The following SEMA5B variants were observed in gnomAD, a reference collection of about 807,000 sequenced individuals.
SEMA5B encodes the protein semaphorin-5B.
Under a neutral mutation model 135.0 loss-of-function variants are expected in SEMA5B, and 66 were observed. That is an observed-to-expected ratio of 0.49 (90% confidence interval 0.40 to 0.60). The LOEUF (loss-of-function observed/expected upper bound fraction) is 0.60, where lower values mean the gene tolerates loss of function less well. SEMA5B is among the 20% of genes least tolerant of loss of function. The pLI is 0.00. For missense variants in SEMA5B, 1,501 were observed against 1,566.3 expected, an observed-to-expected ratio of 0.96 and a Z score of 0.70; for synonymous variants, 690 against 639.5, an observed-to-expected ratio of 1.08 and a Z score of -1.19.
chr3:122,991,477 C>T (rs1396151139), intron 1 of SEMA5B, among the ~76,000 whole-genome samples: 1 of 151,752 alleles, frequency 6.6e-6, no homozygotes, highest in African/African-American at 2.4e-5. Context: ...GTGCTACTGG[C>T]ATCACACAGG....
intron 1 of SEMA5B, among the ~76,000 whole-genome samples, chr3:122,985,806 C>T (rs150542285): frequency 9.2e-5 from 14 of 152,284 alleles, no homozygotes; most frequent in Non-Finnish European, 1.3e-4. Flanking sequence ...CTGCCCCTTC[C>T]GTCTTCTACT....
intron 1 of SEMA5B, among the ~76,000 whole-genome samples, chr3:122,963,744 G>T (rs1940694626): frequency 6.6e-6 from 1 of 152,122 alleles, no homozygotes; most frequent in African/African-American, 2.4e-5. Flanking sequence ...TATCACTTGG[G>T]CATTAAAACA....
chr3:123,007,134 C>T (rs1373024704), intron 1 of SEMA5B, among the ~76,000 whole-genome samples: 1 of 152,158 alleles, frequency 6.6e-6, no homozygotes, highest in Non-Finnish European at 1.5e-5. Flanking sequence ...GGGGACATCC[C>T]CTGACCTCCC....
At chr3:122,974,128 A>G (rs1331472819) in intron 1 of SEMA5B, among the ~76,000 whole-genome samples, 1 of 152,232 alleles carries the variant, frequency 6.6e-6, no homozygotes, top group Non-Finnish European at 1.5e-5. Context: ...CATGTGACAC[A>G]TGCTTGCAGG....
At chr3:123,027,434 G>A (rs920163112) in intron 1 of SEMA5B, 30 bp downstream of exon 1, 4 of 152,326 alleles carry the variant, frequency 2.6e-5, no homozygotes, top group African/African-American at 9.6e-5. Flanking sequence ...AACCCGCGCA[G>A]GGGAAGCGCC....
intron 12 of SEMA5B, among the ~76,000 whole-genome samples, chr3:122,920,926 T>A (rs570704089): frequency 1.3e-5 from 2 of 152,358 alleles, no homozygotes; most frequent in East Asian, 3.9e-4. Flanking sequence ...TCTTAGTAAG[T>A]GTGTGGTGTC....
chr3:122,935,326 G>C (rs1434940146), intron 5 of SEMA5B, among the ~76,000 whole-genome samples: 1 of 152,114 alleles, frequency 6.6e-6, no homozygotes, highest in Non-Finnish European at 1.5e-5. Context: ...GGGGGAGCAG[G>C]GGGTGGGAGG....
At chr3:122,955,907 C>T (rs1940271545) in intron 2 of SEMA5B, among the ~76,000 whole-genome samples, 1 of 152,206 alleles carries the variant, frequency 6.6e-6, no homozygotes, top group East Asian at 1.9e-4. Flanking sequence ...ATGTGCTGGG[C>T]CCTGTATAGA....
intron 1 of SEMA5B, among the ~76,000 whole-genome samples, chr3:123,019,501 A>G (rs560817548): frequency 3.9e-5 from 6 of 152,278 alleles, no homozygotes; most frequent in Non-Finnish European, 5.9e-5. Flanking sequence ...AGATGGGAGG[A>G]TGGCTTAAGC....
At chr3:122,950,821 G>C (rs1940013363) in intron 2 of SEMA5B, among the ~76,000 whole-genome samples, 1 of 152,152 alleles carries the variant, frequency 6.6e-6, no homozygotes, top group Non-Finnish European at 1.5e-5. Flanking sequence ...AGAACAGAAA[G>C]GCAGAAAACA....
At chr3:123,013,106 G>A (rs1483995919) in intron 1 of SEMA5B, among the ~76,000 whole-genome samples, 1 of 152,212 alleles carries the variant, frequency 6.6e-6, no homozygotes, top group Non-Finnish European at 1.5e-5. Flanking sequence ...GAACACACCG[G>A]TCAGACACAG....
chr3:122,986,593 TTGTGTGTGTG>T (rs145873533), intron 1 of SEMA5B, among the ~76,000 whole-genome samples: 107 of 144,386 alleles, frequency 7.4e-4, no homozygotes, highest in African/African-American at 2.5e-3. Context: ...CAGAGCATAT[TTGTGTGTGTG>T]TGTGTGTGTG....
At chr3:122,995,141 G>C (rs1247608694) in intron 1 of SEMA5B, among the ~76,000 whole-genome samples, 1 of 152,176 alleles carries the variant, frequency 6.6e-6, no homozygotes, top group Admixed American at 6.5e-5. Flanking sequence ...CCAGGACCAT[G>C]GCCAGGGCTG....
intron 3 of SEMA5B, among the ~76,000 whole-genome samples, chr3:122,947,995 G>A (rs767733735): frequency 5.3e-5 from 8 of 152,122 alleles, no homozygotes; most frequent in Non-Finnish European, 1.0e-4. Flanking sequence ...GTGATTTACA[G>A]ATCCCAGTTT....
intron 1 of SEMA5B, among the ~76,000 whole-genome samples, chr3:122,974,418 T>C (rs1941240359): frequency 6.6e-6 from 1 of 152,236 alleles, no homozygotes. Flanking sequence ...ATGCCTGAGA[T>C]CCAGATCATT....
intron 5 of SEMA5B, among the ~76,000 whole-genome samples, chr3:122,934,187 G>T (rs551684514): frequency 6.6e-6 from 1 of 151,664 alleles, no homozygotes; most frequent in Admixed American, 6.6e-5. Context: ...GATTACAGGC[G>T]TGAGCCACCG....
At chr3:122,983,742 AAAAAAAAAAAG>A (rs1390794212) in intron 1 of SEMA5B, among the ~76,000 whole-genome samples, 4 of 146,998 alleles carry the variant, frequency 2.7e-5, no homozygotes, top group African/African-American at 1.0e-4. Flanking sequence ...AAAAAAAAAA[AAAAAAAAAAAG>A]GTAGATTGGA....
chr3:122,958,988 T>G (rs1940460340), intron 2 of SEMA5B, among the ~76,000 whole-genome samples: 1 of 152,088 alleles, frequency 6.6e-6, no homozygotes, highest in Non-Finnish European at 1.5e-5. Context: ...AGGAACAAGG[T>G]GATGACCAAA....
chr3:122,966,042 A>G (rs1238027189), intron 1 of SEMA5B, among the ~76,000 whole-genome samples: 3 of 152,240 alleles, frequency 2.0e-5, no homozygotes, highest in Non-Finnish European at 4.4e-5. Context: ...ACCCTCCAGC[A>G]GCTAACTTGA....
Sources: gnomAD v4.1 joint callset for allele counts (sites outside exome capture counted in the v4.1 genomes callset) on GRCh38, gnomAD v4.1.1 for gene constraint, MANE v1.5 for transcripts, NCBI Gene and HGNC (gene_info 2026-07-23, HGNC 2026-07-21) for gene names.